The following ALDH4A1 variants were observed in gnomAD, a reference collection of about 807,000 sequenced individuals.
The protein encoded by ALDH4A1 is delta-1-pyrroline-5-carboxylate dehydrogenase, mitochondrial.
Under a neutral mutation model 70.5 loss-of-function variants are expected in ALDH4A1, and 46 were observed. The ratio of observed to expected loss-of-function variants is 0.65; its 90% CI spans 0.51 to 0.83. The LOEUF (loss-of-function observed/expected upper bound fraction) is 0.83. ALDH4A1 is among the 40% of genes least tolerant of loss of function. The pLI is 0.00. For synonymous variants in ALDH4A1, 323 were observed against 324.3 expected (o/e 1.00, Z 0.04); for missense variants, 749 against 766.5 (o/e 0.98, Z 0.27).
intron 10 of ALDH4A1, 78 bp from the exon 11 acceptor site, chr1:18,877,333 G>A (rs1314334948): frequency 1.2e-5 from 19 of 1,555,384 alleles, no homozygotes; most frequent in Non-Finnish European, 1.6e-5. Context: ...GCACACCCCA[G>A]CCCCGGCTGC....
At chr1:18,876,503 T>A in intron 11 of ALDH4A1, 36 bp from the exon 12 acceptor site, 2 of 1,548,442 alleles carry the variant, frequency 1.3e-6, no homozygotes, top group South Asian at 2.3e-5. Flanking sequence ...TCTAAGAGGC[T>A]GGGAAGGCAT....
At position 18,874,479 on chromosome 1, in the gene ALDH4A1, C is replaced by G. The variant is rs1401401607; in HGVS notation, c.1563G>C (p.Gly521=). 2 of 1,614,096 alleles carry G rather than the reference C, an allele frequency of 1.2e-6. No individual in the cohort carries two copies. The highest frequency in any genetic ancestry group is 2.2e-5 in the South Asian group (2 of 91,082). Residue 521 remains glycine (G), a synonymous_variant, in exon 14 of 15, where the codon GGG becomes GGC. Transcript: ENST00000375341. Reference sequence around the variant, plus strand: ...CCCACTCACCAGAGGCTCGGGCCCCCCCAAAGGGCTGCTGGCCCACTATCG... The same window carrying G: ...CCCACTCACCAGAGGCTCGGGCCCCGCCAAAGGGCTGCTGGCCCACTATCG... The part of the protein sequence containing the change: ...TGSIVGQQPF[G]GARASGTNDK...
chr1:18,886,420 C>G (rs1276532636), intron 4 of ALDH4A1, 44 bp downstream of exon 4: 1 of 1,606,622 alleles, frequency 6.2e-7, no homozygotes, highest in South Asian at 1.1e-5. Flanking sequence ...AGAGCAGGGG[C>G]AGCAACCCTA....
intron 13 of ALDH4A1, 22 bp downstream of exon 13, chr1:18,875,360 G>T: frequency 1.9e-6 from 3 of 1,613,954 alleles, no homozygotes; most frequent in Non-Finnish European, 2.5e-6. Flanking sequence ...CACAGCACCA[G>T]GGCTGCGGCC....
chr1:18,879,646 C>T (rs188668340), intron 8 of ALDH4A1, among the ~76,000 whole-genome samples: 178 of 152,290 alleles, frequency 1.2e-3, no homozygotes, highest in African/African-American at 4.1e-3. Context: ...CTCTGAGCCT[C>T]GAATTCTGCA....
chr1:18,875,979 C>A (rs1934662658), intron 12 of ALDH4A1, among the ~76,000 whole-genome samples: 1 of 152,208 alleles, frequency 6.6e-6, no homozygotes, highest in Non-Finnish European at 1.5e-5. Context: ...AACAGTAACA[C>A]CCACGTCATC....
chr1:18,875,369 C>T lies in ALDH4A1; in HGVS notation c.1460+13G>A. ...CCGGAGCACAGCACCAGGGCTGCGG[C>T]CTGGCCACTCACTTATCCTGGGAGA... is the stretch of plus-strand genomic sequence containing the variant. On this transcript the variant is annotated intron_variant, in intron 13 of 14. Coordinates refer to ENST00000375341, the MANE Select transcript of ALDH4A1 (RefSeq NM_003748.4). The T allele has an allele frequency of 6.2e-7, 1 of 1,614,030 alleles. No homozygotes were observed. The highest frequency in any genetic ancestry group is 8.5e-7 in the Non-Finnish European group (1 of 1,179,990).
chr1:18,871,822 G>A lies in ALDH4A1; in HGVS notation c.*1023C>T, dbSNP rs1314011865. The stretch of plus-strand genomic sequence containing the variant: ...GAGGAATCGTGGTCACAGATTGGCT[G>A]CGTCAAAAAAAGAATGGGCCAGTGA... On this transcript the variant is annotated 3_prime_UTR_variant, in exon 15 of 15. Transcript: ENST00000375341. 6.6e-6 allele frequency: 1 copy of A among 152,282 alleles called. No individual in the cohort carries two copies. Among genetic ancestry groups the A allele is most frequent in the African/African-American group, 2.4e-5 (1 of 41,466 alleles). The allele number at this position is 152,282 out of a possible 1,614,324, so 9.4% of individuals were successfully genotyped here.
In ALDH4A1 at chr1:18,881,807, G is replaced by C. The variant is rs535815477; in HGVS notation, c.759C>G (p.Gly253=). The stretch of plus-strand genomic sequence containing the variant: ...CAAACTGGATGATGTTGGGGGGCAG[G>C]CCAGCCTCCCGAAGGATGCGGTAGA... ...YAVYRILREA[G]LPPNIIQFVP... is the part of the protein sequence containing the mutation. Residue 253 remains glycine, a synonymous_variant, in exon 8 of 15, where the codon GGC becomes GGG. Transcript: ENST00000375341. 1 of 1,613,964 alleles carries C rather than the reference G, an allele frequency of 6.2e-7. No individual in the cohort carries two copies. The highest frequency in any genetic ancestry group is 8.5e-7 in the Non-Finnish European group (1 of 1,180,038).
chr1:18,891,279 C>G (rs1220044113), intron 1 of ALDH4A1, among the ~76,000 whole-genome samples: 1 of 152,228 alleles, frequency 6.6e-6, no homozygotes, highest in African/African-American at 2.4e-5. Context: ...TGACAAACTT[C>G]CCATCTACCG....
chr1:18,882,081 C>T (rs894762127), intron 7 of ALDH4A1, among the ~76,000 whole-genome samples, 194 bp from the exon 8 acceptor site: 3 of 152,184 alleles, frequency 2.0e-5, no homozygotes, highest in Admixed American at 6.5e-5. Context: ...AAGGAGGCCA[C>T]GGCACAGCCC....
Position 18,885,462 on chromosome 1 carries a change from CAGCACCTCA to C in ALDH4A1, c.453+2_453+10del. ...CCCCGCCCCACCCACCCGGGCCCACCAGCACCTCACCTGTCCCACCATGGTCTTGGCGAG... is the reference window on the plus strand; with the variant it reads ...CCCCGCCCCACCCACCCGGGCCCACCCCTGTCCCACCATGGTCTTGGCGAG... On this transcript the variant is annotated splice_donor_variant and splice_donor_5th_base_variant and intron_variant, in intron 5 of 14. Coordinates refer to ENST00000375341, the MANE Select transcript of ALDH4A1 (RefSeq NM_003748.4). LOFTEE classifies it high-confidence loss of function. 6.5e-7 allele frequency: 1 copy of C among 1,536,794 alleles called. No homozygotes were observed. The highest frequency in any genetic ancestry group is 8.7e-7 in the Non-Finnish European group (1 of 1,143,386).
rs376195190 is a variant in ALDH4A1 at position 18,899,915 on chromosome 1, C to T, written c.62+2547G>A. On this transcript the variant is annotated intron_variant, in intron 1 of 14. Coordinates refer to ENST00000375341, the MANE Select transcript of ALDH4A1 (RefSeq NM_003748.4). ...CAGGTGCCAGACACAGTTCCAGGGC[C>T]TGGGAACATACTGTAAGGCAGACAA... Among the ~76,000 whole-genome samples, 200 of 152,240 alleles carry T rather than the reference C, an allele frequency of 1.3e-3. 2 individuals carry two copies. In the South Asian group the frequency reaches 0.04, roughly 31 times the overall value.
chr1:18,892,983 A>C (rs1453610077), intron 1 of ALDH4A1, among the ~76,000 whole-genome samples: 1 of 152,160 alleles, frequency 6.6e-6, no homozygotes, highest in East Asian at 1.9e-4. Context: ...TCTGACAGGG[A>C]CCTCAGCTAA....
intron 4 of ALDH4A1, among the ~76,000 whole-genome samples, chr1:18,886,016 C>T (rs1935188892): frequency 6.6e-6 from 1 of 152,208 alleles, no homozygotes; most frequent in East Asian, 1.9e-4. Flanking sequence ...CTGCTGCTGG[C>T]CTCCCAGACC....
rs1377708587 is a variant in ALDH4A1 at position 18,871,488 on chromosome 1, T to C, written c.*1357A>G. On this transcript the variant is annotated 3_prime_UTR_variant, in exon 15 of 15. Transcript: ENST00000375341. ...AGCAAATCCCATTGCCACCTCACAG[T>C]GTAGAACCAGTAGAACTAAGAATAC... 2 of 150,892 alleles carry C rather than the reference T, an allele frequency of 1.3e-5. No homozygotes were observed. Among genetic ancestry groups the C allele is most frequent in the Non-Finnish European group, 2.9e-5 (2 of 68,082 alleles). 9.3% of individuals were successfully genotyped at this position (150,892 alleles called of 1,614,324 possible). A position where few individuals can be genotyped will look rare whatever the true frequency, so the allele number is the denominator to read the frequency against.
intron 8 of ALDH4A1, among the ~76,000 whole-genome samples, chr1:18,879,901 G>C (rs755897076): frequency 6.6e-6 from 1 of 152,142 alleles, no homozygotes; most frequent in African/African-American, 2.4e-5. Flanking sequence ...GGAGGGCCTC[G>C]CCTCCTCCCC....
intron 5 of ALDH4A1, among the ~76,000 whole-genome samples, chr1:18,884,957 C>T (rs1222033841): frequency 6.6e-6 from 1 of 152,110 alleles, no homozygotes; most frequent in African/African-American, 2.4e-5. Flanking sequence ...CAAATGGCTA[C>T]ACTATGGGCA....
At chr1:18,879,440 G>A in intron 8 of ALDH4A1, 67 bp from the exon 9 acceptor site, 3 of 1,435,146 alleles carry the variant, frequency 2.1e-6, no homozygotes, top group Non-Finnish European at 1.9e-6. Flanking sequence ...GAAAAGCCCA[G>A]GGAGGAGCAT....
Sources: gnomAD v4.1 joint callset for allele counts (sites outside exome capture counted in the v4.1 genomes callset) on GRCh38, gnomAD v4.1.1 for gene constraint, MANE v1.5 for transcripts, NCBI Gene and HGNC (gene_info 2026-07-23, HGNC 2026-07-21) for gene names.